Variants in CDH11 observed in about 807,000 individuals in gnomAD.
CDH11 encodes the protein cadherin-11.
In CDH11, 11 loss-of-function variants were observed where a neutral mutation model predicts 67.8. That is an observed-to-expected ratio of 0.16 (90% CI 0.10 to 0.27). The LOEUF (loss-of-function observed/expected upper bound fraction) is 0.27. Among genes scored for constraint, CDH11 ranks in the 10% least tolerant of loss-of-function variants. CDH11 has a pLI of 1.00. For synonymous variants in CDH11, 419 were observed against 400.0 expected, an observed-to-expected ratio of 1.05 and a Z score of -0.57; for missense variants, 847 against 1,031.2, an observed-to-expected ratio of 0.82 and a Z score of 2.45.
Position 64,947,575 on chromosome 16 carries a change from T to A in CDH11, c.*28A>T. 6.3e-7 allele frequency: 1 copy of A among 1,588,632 alleles called. No homozygotes were observed. The highest frequency in any genetic ancestry group is 1.1e-5 in the South Asian group (1 of 88,612). On this transcript the variant is annotated 3_prime_UTR_variant, in exon 13 of 13. Transcript: ENST00000268603. ...GATTCTTGAGAACGCCAGACACAGT[T>A]CTTAAGGCCAAATTTGTATCGTTAT...
chr16:65,007,421 G>A (rs924432956), intron 2 of CDH11, among the ~76,000 whole-genome samples: 19 of 152,168 alleles, frequency 1.2e-4, no homozygotes, highest in Admixed American at 8.5e-4. Flanking sequence ...AAAAGGCAGC[G>A]TCATCATTTA....
At position 64,944,989 on chromosome 16, in the gene CDH11, C is replaced by T. The variant is rs2071169675; in HGVS notation, c.*2614G>A. 1 of 212,006 alleles carries T rather than the reference C, an allele frequency of 4.7e-6. No individual in the cohort carries two copies. Among genetic ancestry groups the T allele is most frequent in the East Asian group, 7.1e-5 (1 of 14,014 alleles). The allele number at this position is 212,006 out of a possible 1,614,324, so 13.1% of individuals were successfully genotyped here. On this transcript the variant is annotated 3_prime_UTR_variant, in exon 13 of 13. Coordinates refer to ENST00000268603, the MANE Select transcript of CDH11 (RefSeq NM_001797.4). Reference sequence around the variant, plus strand: ...AAAGGTAGTAAGATTCATTCTGAATCCTCCAGTAAGTGGAACAGGGTTTAT... The same window carrying T: ...AAAGGTAGTAAGATTCATTCTGAATTCTCCAGTAAGTGGAACAGGGTTTAT...
intron 1 of CDH11, among the ~76,000 whole-genome samples, chr16:65,099,645 C>T (rs944120816): frequency 6.6e-6 from 1 of 152,130 alleles, no homozygotes; most frequent in African/African-American, 2.4e-5. Context: ...ATGAGTTCAA[C>T]ACTTGATTAG....
At chr16:65,098,032 G>T (rs1335829102) in intron 1 of CDH11, among the ~76,000 whole-genome samples, 1 of 152,096 alleles carries the variant, frequency 6.6e-6, no homozygotes, top group Non-Finnish European at 1.5e-5. Context: ...AACCCTTACT[G>T]ATTCTTCCTT....
intron 2 of CDH11, among the ~76,000 whole-genome samples, chr16:65,048,496 T>C (rs1386238369): frequency 6.6e-6 from 1 of 152,026 alleles, no homozygotes; most frequent in Non-Finnish European, 1.5e-5. Context: ...TCAACCTCAG[T>C]GCCCATCAAA....
At chr16:65,063,700 C>A (rs931660006) in intron 1 of CDH11, among the ~76,000 whole-genome samples, 2 of 151,836 alleles carry the variant, frequency 1.3e-5, no homozygotes, top group African/African-American at 4.8e-5. Context: ...TGTGTCAGTA[C>A]ACACACACAC....
At chr16:65,086,198 C>T (rs887096318) in intron 1 of CDH11, among the ~76,000 whole-genome samples, 1 of 152,230 alleles carries the variant, frequency 6.6e-6, no homozygotes, top group East Asian at 1.9e-4. Context: ...ACTGTCTAGC[C>T]CTTTACAGAA....
intron 2 of CDH11, among the ~76,000 whole-genome samples, chr16:65,012,500 A>G (rs902320693): frequency 6.6e-6 from 1 of 152,222 alleles, no homozygotes; most frequent in Non-Finnish European, 1.5e-5. Flanking sequence ...GTGACATCTC[A>G]TGACTAATGT....
chr16:64,979,718 A>G (rs534466473), intron 8 of CDH11, among the ~76,000 whole-genome samples: 26 of 152,312 alleles, frequency 1.7e-4, no homozygotes, highest in African/African-American at 6.0e-4. Context: ...TTCCACTCCT[A>G]GGTATATGCC....
At chr16:64,985,572 C>CA (rs946546619) in intron 7 of CDH11, 1 of 151,768 alleles carries the variant, frequency 6.6e-6, no homozygotes, top group African/African-American at 2.4e-5. Context: ...GAACTGCCCC[C>CA]ACAAGAAGTC....
chr16:65,079,140 A>G (rs1274975393), intron 1 of CDH11, among the ~76,000 whole-genome samples: 3 of 152,170 alleles, frequency 2.0e-5, no homozygotes, highest in Non-Finnish European at 4.4e-5. Context: ...TGAGGGACAC[A>G]ATGGCATATA....
intron 11 of CDH11, among the ~76,000 whole-genome samples, chr16:64,965,756 T>A (rs1203429321): frequency 2.0e-5 from 3 of 149,252 alleles, no homozygotes; most frequent in Non-Finnish European, 4.4e-5. Flanking sequence ...CAAGACATTG[T>A]TATGCGGTGC....
chr16:64,983,435 G>A (rs1035176806), intron 7 of CDH11, among the ~76,000 whole-genome samples: 12 of 152,156 alleles, frequency 7.9e-5, no homozygotes, highest in Middle Eastern at 3.2e-3. Flanking sequence ...CAAATGTTTG[G>A]AAAGAGTTTC....
chr16:65,029,045 C>T (rs563195993), intron 2 of CDH11, among the ~76,000 whole-genome samples: 1 of 152,240 alleles, frequency 6.6e-6, no homozygotes, highest in African/African-American at 2.4e-5. Context: ...AACAATACTG[C>T]ACTGTACACT....
At chr16:65,056,829 G>A (rs889385690) in intron 1 of CDH11, among the ~76,000 whole-genome samples, 1 of 152,216 alleles carries the variant, frequency 6.6e-6, no homozygotes, top group African/African-American at 2.4e-5. Flanking sequence ...AAGACCGATC[G>A]AACTCCCCAC....
At chr16:65,075,850 T>A (rs1043281869) in intron 1 of CDH11, among the ~76,000 whole-genome samples, 2 of 152,234 alleles carry the variant, frequency 1.3e-5, no homozygotes, top group African/African-American at 2.4e-5. Context: ...ATCCATAACA[T>A]ATAAATGATT....
At chr16:64,973,943 T>G (rs2072085437) in intron 8 of CDH11, among the ~76,000 whole-genome samples, 1 of 152,204 alleles carries the variant, frequency 6.6e-6, no homozygotes, top group Non-Finnish European at 1.5e-5. Flanking sequence ...GCCATTTACT[T>G]GTAGGGCATT....
intron 1 of CDH11, among the ~76,000 whole-genome samples, chr16:65,088,531 A>G (rs562339088): frequency 1.3e-4 from 20 of 152,360 alleles, no homozygotes; most frequent in South Asian, 1.0e-3. Flanking sequence ...TATTAAAAAT[A>G]TATTCATTAT....
rs2071218418 is a variant in CDH11 at position 64,947,275 on chromosome 16, T to C, written c.*328A>G. On this transcript the variant is annotated 3_prime_UTR_variant, in exon 13 of 13. Coordinates refer to ENST00000268603, the MANE Select transcript of CDH11 (RefSeq NM_001797.4). ...TGACAACTTAAAAAAGAAGAAAGACTTGGATGTTCATAACACATAAACAAT... is the reference window on the plus strand; with the variant it reads ...TGACAACTTAAAAAAGAAGAAAGACCTGGATGTTCATAACACATAAACAAT... 2 of 1,118,712 alleles carry C rather than the reference T, an allele frequency of 1.8e-6. No individual in the cohort carries two copies. Among genetic ancestry groups the C allele is most frequent in the African/African-American group, 1.6e-5 (1 of 62,420 alleles). 69.3% of individuals were successfully genotyped at this position (1,118,712 alleles called of 1,614,324 possible). A position where few individuals can be genotyped will look rare whatever the true frequency, so the allele number is the denominator to read the frequency against.
Sources: gnomAD v4.1 joint callset for allele counts (sites outside exome capture counted in the v4.1 genomes callset) on GRCh38, gnomAD v4.1.1 for gene constraint, MANE v1.5 for transcripts, NCBI Gene and HGNC (gene_info 2026-07-23, HGNC 2026-07-21) for gene names.